Variants in COL6A3 observed in about 807,000 individuals in gnomAD.
COL6A3 encodes the protein collagen type VI alpha 3 chain.
COL6A3 carries 137 observed loss-of-function variants against 274.1 expected under a neutral mutation model. The observed-to-expected ratio is 0.50, with a 90% CI of 0.44 to 0.58. COL6A3 has a LOEUF of 0.58. Ranked by LOEUF, COL6A3 falls within the 20% of genes least tolerant of loss-of-function variation. The pLI is 0.00. For synonymous variants in COL6A3, 1,650 were observed against 1,650.6 expected, an observed-to-expected ratio of 1.00 and a Z score of 0.01; for missense variants, 3,950 against 4,124.9, an observed-to-expected ratio of 0.96 and a Z score of 1.16.
intron 39 of COL6A3, among the ~76,000 whole-genome samples, chr2:237,337,820 A>G (rs28709058): frequency 0.063 from 9,648 of 152,270 alleles, 696 homozygotes; most frequent in African/African-American, 0.18. Context: ...GGCATGAAAC[A>G]CGGCACATGG....
chr2:237,371,511 T>C lies in COL6A3; in HGVS notation c.4285+221A>G. On this transcript the variant is annotated intron_variant, in intron 9 of 43. Coordinates refer to ENST00000295550, the MANE Select transcript of COL6A3 (RefSeq NM_004369.4). The surrounding 1 kb of genome is among the most constrained non-coding windows in gnomAD (Gnocchi z 4.3). ...TACTGAGGAGGCTGAAGTGGGAGGT[T>C]GGCTGGATCCCAGAAGGCAGAGGTT... is the stretch of plus-strand genomic sequence containing the variant. The C allele has an allele frequency of 1.0e-6, 1 of 968,710 alleles. No individual in the cohort carries two copies. The highest frequency in any genetic ancestry group is 1.4e-6 in the Non-Finnish European group (1 of 706,464). The allele number at this position is 968,710 out of a possible 1,614,324, so 60.0% of individuals were successfully genotyped here.
intron 42 of COL6A3, among the ~76,000 whole-genome samples, chr2:237,332,117 A>ATTATATATATATG (rs35490728): frequency 1.6e-5 from 1 of 64,170 alleles, no homozygotes; most frequent in Non-Finnish European, 3.2e-5. Context: ...ATATATATAT[A>ATTATATATATATG]TGAAAAGAAA....
At position 237,344,213 on chromosome 2, in the gene COL6A3, T is replaced by C; in HGVS notation, c.7668+137A>G. 1 of 1,337,012 alleles carries C rather than the reference T, an allele frequency of 7.5e-7. No individual in the cohort carries two copies. Among genetic ancestry groups the C allele is most frequent in the Admixed American group, 1.7e-5 (1 of 59,660 alleles). 82.8% of individuals were successfully genotyped at this position (1,337,012 alleles called of 1,614,324 possible). A position where few individuals can be genotyped will look rare whatever the true frequency, so the allele number is the denominator to read the frequency against. On this transcript the variant is annotated intron_variant, in intron 36 of 43. Coordinates refer to ENST00000295550, the MANE Select transcript of COL6A3 (RefSeq NM_004369.4). The surrounding 1 kb of genome is among the most constrained non-coding windows in gnomAD (Gnocchi z 4.8). ...GTCCTGGAGACCTCACAAGAGAAGTTCTCAGGCAGATGGCCTCATTGGGGA... is the reference window on the plus strand; with the variant it reads ...GTCCTGGAGACCTCACAAGAGAAGTCCTCAGGCAGATGGCCTCATTGGGGA...
chr2:237,351,298 G>A, intron 26 of COL6A3, 106 bp from the exon 27 acceptor site: 1 of 1,042,700 alleles, frequency 9.6e-7, no homozygotes, highest in Non-Finnish European at 1.5e-6. Context: ...CCCGCCAGGG[G>A]CATGGAACCT....
At position 237,407,036 on chromosome 2, in the gene COL6A3, A is replaced by G. The variant is rs138754812; in HGVS notation, c.-31+6917T>C. On this transcript the variant is annotated intron_variant, in intron 1 of 43. Transcript: ENST00000295550. The surrounding 1 kb of genome is among the most constrained non-coding windows in gnomAD (Gnocchi z 4.3). ...GCAATCCTCCCACCTCAGCCTCCCA[A>G]GTAGCTAGGACTACAGGTGTGCGCC... Among the ~76,000 whole-genome samples, 9 of 151,438 alleles carry G rather than the reference A, an allele frequency of 5.9e-5. No homozygotes were observed. Among genetic ancestry groups the G allele is most frequent in the South Asian group, 4.2e-4 (2 of 4,782 alleles).
intron 42 of COL6A3, 32 bp from the exon 43 acceptor site, chr2:237,325,756 T>C (rs764378957): frequency 2.5e-6 from 4 of 1,595,698 alleles, no homozygotes; most frequent in Admixed American, 1.7e-5. Context: ...AGGATATTAA[T>C]GAGAACATGC....
At position 237,363,417 on chromosome 2, in the gene COL6A3, T is replaced by C; in HGVS notation, c.5918-19A>G. ...CGGACTCCTGCAAAGAAAGACACATTTAATACAGCTCACCTAGGCATGTGG... is the reference window on the plus strand; with the variant it reads ...CGGACTCCTGCAAAGAAAGACACATCTAATACAGCTCACCTAGGCATGTGG... On this transcript the variant is annotated intron_variant, in intron 13 of 43. Transcript: ENST00000295550. 1 of 1,614,104 alleles carries C rather than the reference T, an allele frequency of 6.2e-7. No homozygotes were observed. Among genetic ancestry groups the C allele is most frequent in the Non-Finnish European group, 8.5e-7 (1 of 1,179,980 alleles).
rs2106324946 is a variant in COL6A3, at chr2:237,344,611, G to A, written c.7407C>T (p.Leu2469=). ...CCTGAAGGTTCTTAATCTTGTCCAGGAGGACCGACTTCCTCTTGGAGTCAG... is the reference window on the plus strand; with the variant it reads ...CCTGAAGGTTCTTAATCTTGTCCAGAAGGACCGACTTCCTCTTGGAGTCAG... ...RFADSKRKSV[L]LDKIKNLQVA... is the part of the protein sequence containing the mutation. The change falls in exon 36 of 44, where the codon CTC becomes CTT. Residue 2469 remains leucine (L), a synonymous_variant. Coordinates refer to ENST00000295550, the MANE Select transcript of COL6A3 (RefSeq NM_004369.4). The surrounding 1 kb of genome is among the most constrained non-coding windows in gnomAD (Gnocchi z 4.8). The A allele has an allele frequency of 6.2e-7, 1 of 1,614,186 alleles. No homozygotes were observed. The highest frequency in any genetic ancestry group is 8.5e-7 in the Non-Finnish European group (1 of 1,180,038).
At position 237,375,080 on chromosome 2, in the gene COL6A3, C is replaced by T. The variant is rs140070197; in HGVS notation, c.3071-60G>A. On this transcript the variant is annotated intron_variant, in intron 7 of 43. Transcript: ENST00000295550. ...CATCAGAGCAGCAATTTCATATCAA[C>T]GAGGTGGGCTGCATAAGAGCATCAC... 3.9e-4 allele frequency: 630 copies of T among 1,606,090 alleles called. 7 individuals are homozygous for T. The South Asian group carries it at 5.3e-3, about 14-fold the overall frequency.
In COL6A3 at chr2:237,371,718, C is replaced by A. The variant is rs373893821; in HGVS notation, c.4285+14G>T. 1.9e-6 allele frequency: 3 copies of A among 1,575,228 alleles called. No homozygotes were observed. Among genetic ancestry groups the A allele is most frequent in the Admixed American group, 1.8e-5 (1 of 54,410 alleles). ...AAAATGCTCCAAGGAGAACCTCCGACGCCCCCATCTCACCTGGAGGTGGAT... is the reference window on the plus strand; with the variant it reads ...AAAATGCTCCAAGGAGAACCTCCGAAGCCCCCATCTCACCTGGAGGTGGAT... On this transcript the variant is annotated intron_variant, in intron 9 of 43. Coordinates refer to ENST00000295550, the MANE Select transcript of COL6A3 (RefSeq NM_004369.4). The surrounding 1 kb of genome is among the most constrained non-coding windows in gnomAD (Gnocchi z 4.3).
intron 32 of COL6A3, among the ~76,000 whole-genome samples, chr2:237,346,251 C>T (rs913710676): frequency 7.2e-5 from 11 of 152,186 alleles, no homozygotes; most frequent in African/African-American, 2.7e-4. Context: ...TGCCAGGAAA[C>T]TATAAAGGCA....
At chr2:237,335,663 G>A (rs1350161466) in intron 40 of COL6A3, among the ~76,000 whole-genome samples, 1 of 152,150 alleles carries the variant, frequency 6.6e-6, no homozygotes, top group Non-Finnish European at 1.5e-5. Context: ...GACAAAGTTT[G>A]CAGTTGCAAA....
At chr2:237,353,197 T>C in intron 25 of COL6A3, 144 bp downstream of exon 25, 1 of 794,308 alleles carries the variant, frequency 1.3e-6, no homozygotes, top group South Asian at 1.5e-5. Flanking sequence ...GAGGTGATGA[T>C]TGCACAGCAT....
chr2:237,394,824 G>A lies in COL6A3; in HGVS notation c.472C>T (p.Leu158Phe), dbSNP rs1034288470. 2 of 1,614,186 alleles carry A rather than the reference G, an allele frequency of 1.2e-6. No homozygotes were observed. The highest frequency in any genetic ancestry group is 1.7e-6 in the Non-Finnish European group (2 of 1,180,034). The change falls in exon 3 of 44, where the codon CTT becomes TTT. Residue 158 changes from leucine to phenylalanine, a missense_variant. Physicochemically the swap from Leu to Phe is conservative, Grantham distance 22 (BLOSUM62 0). This residue lies in a region of COL6A3 where 1,934 missense variants were observed against 1,984.3 expected (regional missense o/e 0.97). Transcript: ENST00000295550. ...VLTDGHSKDG[L>F]ALPSAELKSA... ...TTAAGTTCCGCTGAGGGCAGAGCAA[G>A]GCCATCCTTCGAGTGTCCATCAGTT...
At chr2:237,403,150 C>T (rs908488330) in intron 1 of COL6A3, among the ~76,000 whole-genome samples, 1 of 152,164 alleles carries the variant, frequency 6.6e-6, no homozygotes, top group Non-Finnish European at 1.5e-5. Flanking sequence ...AAACCTGAAG[C>T]TCAGTCCCGT....
At position 237,340,757 on chromosome 2, in the gene COL6A3, T is replaced by G. The variant is rs777050897; in HGVS notation, c.8159A>C (p.Glu2720Ala). ...QGTRALGSAI[E>A]YTIENVFESA... Reference sequence around the variant, plus strand: ...TTCAAAGACATTCTCTATGGTGTATTCAATGGCACTGCCTAAGGCCCTGGT... The same window carrying G: ...TTCAAAGACATTCTCTATGGTGTATGCAATGGCACTGCCTAAGGCCCTGGT... Residue 2720 changes from glutamate to alanine, a missense_variant, in exon 38 of 44, where the codon GAA (glutamate) becomes GCA (alanine). Physicochemically the swap from Glu to Ala is moderately radical, Grantham distance 107. Around this residue, in one of 5 missense-constraint regions of COL6A3, gnomAD observed 1,284 missense variants for 1,349.7 expected, o/e 0.95. Transcript: ENST00000295550. The G allele has an allele frequency of 9.3e-6, 15 of 1,614,034 alleles. No homozygotes were observed. Among genetic ancestry groups the G allele is most frequent in the Admixed American group, 5.0e-5 (3 of 60,010 alleles).
intron 1 of COL6A3, among the ~76,000 whole-genome samples, chr2:237,408,974 A>G (rs1018740638): frequency 6.6e-6 from 1 of 152,192 alleles, no homozygotes; most frequent in Non-Finnish European, 1.5e-5. Context: ...GAATGGGAAG[A>G]GTACCTTTCT....
chr2:237,336,367 C>T lies in COL6A3; in HGVS notation c.8733G>A (p.Lys2911=). 6.2e-7 allele frequency: 1 copy of T among 1,614,178 alleles called. No homozygotes were observed. The highest frequency in any genetic ancestry group is 8.5e-7 in the Non-Finnish European group (1 of 1,180,010). The part of the protein sequence containing the change: ...NQPSVKPAAA[K]PAPAKPVAAK... ...CAGCCACAGGTTTCGCAGGGGCCGGCTTTGCAGCGGCTGGCTTCACAGATG... is the reference window on the plus strand; with the variant it reads ...CAGCCACAGGTTTCGCAGGGGCCGGTTTTGCAGCGGCTGGCTTCACAGATG... Residue 2911 remains lysine, a synonymous_variant, in exon 40 of 44, where the codon AAG becomes AAA. Transcript: ENST00000295550.
intron 21 of COL6A3, 57 bp downstream of exon 21, chr2:237,358,464 C>T (rs1559224974): frequency 7.1e-7 from 1 of 1,406,028 alleles, no homozygotes; most frequent in Non-Finnish European, 1.0e-6. Flanking sequence ...ATCCCCCTTT[C>T]CCAACAACCC....
Sources: allele counts gnomAD v4.1 joint callset (sites outside exome capture counted in the v4.1 genomes callset), GRCh38; gene constraint gnomAD v4.1.1; regional missense constraint gnomAD v4.1.1; non-coding constraint Gnocchi (gnomAD v3.1); transcripts MANE v1.5; gene names NCBI Gene and HGNC (gene_info 2026-07-23, HGNC 2026-07-21).